CREBRF: variants seen among roughly 807,000 people sequenced by gnomAD.
CREBRF encodes UPF0474 protein C5orf41.
In CREBRF, 5 loss-of-function variants were observed where a neutral mutation model predicts 66.1. The ratio of observed to expected loss-of-function variants is 0.08; its 90% confidence interval spans 0.04 to 0.16. The LOEUF (loss-of-function observed/expected upper bound fraction) is 0.16. Ranked by LOEUF, CREBRF falls within the 10% of genes least tolerant of loss-of-function variation. The pLI is 1.00. For synonymous variants in CREBRF, 229 were observed against 264.4 expected (o/e 0.87, Z 1.30); for missense variants, 531 against 744.9 (o/e 0.71, Z 3.34).
At chr5:173,074,444 T>C (rs778772492) in intron 1 of CREBRF, among the ~76,000 whole-genome samples, 25 of 152,162 alleles carry the variant, frequency 1.6e-4, no homozygotes, top group Non-Finnish European at 3.2e-4. Flanking sequence ...CTGAGAGTTC[T>C]TCTGTCTTCC....
chr5:173,063,631 A>G (rs951080006), intron 1 of CREBRF, among the ~76,000 whole-genome samples: 20 of 151,934 alleles, frequency 1.3e-4, no homozygotes, highest in Admixed American at 1.0e-3. Flanking sequence ...GGCCTCTCAA[A>G]GTGCTGGGAT....
intron 7 of CREBRF, among the ~76,000 whole-genome samples, chr5:173,113,097 A>T (rs1238453097): frequency 1.3e-5 from 2 of 151,848 alleles, no homozygotes; most frequent in African/African-American, 4.8e-5. Context: ...GGCTCAGGTG[A>T]TCCTCCCACT....
rs1348025098 is a variant in CREBRF at position 173,138,622 on chromosome 5, A to G, written c.*4877A>G. 1 of 152,212 alleles carries G rather than the reference A, an allele frequency of 6.6e-6. No homozygotes were observed. The highest frequency in any genetic ancestry group is 6.5e-5 in the Admixed American group (1 of 15,280). The allele number at this position is 152,212 out of a possible 1,614,324, so 9.4% of individuals were successfully genotyped here. On this transcript the variant is annotated 3_prime_UTR_variant, in exon 9 of 9. Transcript: ENST00000296953. ...GAACTAGGTTCGGTTTGCCTCTTTC[A>G]TAACAATGTAAACACAATGGTGTAG...
intron 7 of CREBRF, among the ~76,000 whole-genome samples, chr5:173,118,951 C>G (rs912078640): frequency 1.3e-5 from 2 of 151,764 alleles, no homozygotes; most frequent in African/African-American, 4.8e-5. Flanking sequence ...GCCTCGAACT[C>G]CTGGGCTCAA....
intron 1 of CREBRF, among the ~76,000 whole-genome samples, chr5:173,078,394 G>C (rs770381181): frequency 3.4e-4 from 51 of 151,636 alleles, no homozygotes; most frequent in Non-Finnish European, 7.2e-4. Flanking sequence ...GAGCTGCAGG[G>C]ATTCTGGCCA....
intron 1 of CREBRF, among the ~76,000 whole-genome samples, chr5:173,064,847 A>G (rs1397377155): frequency 1.3e-5 from 2 of 152,026 alleles, no homozygotes; most frequent in Non-Finnish European, 2.9e-5. Context: ...TACAGGTGTG[A>G]GCCACTGCGC....
At chr5:173,069,380 C>T (rs1757535145) in intron 1 of CREBRF, among the ~76,000 whole-genome samples, 1 of 151,628 alleles carries the variant, frequency 6.6e-6, no homozygotes, top group Non-Finnish European at 1.5e-5. Flanking sequence ...CACTCAGTTA[C>T]CCAGGCTGGA....
intron 1 of CREBRF, among the ~76,000 whole-genome samples, chr5:173,078,753 G>A (rs1273162677): frequency 1.3e-5 from 2 of 151,888 alleles, no homozygotes; most frequent in African/African-American, 2.4e-5. Context: ...TTGAACTCCT[G>A]ACCTCAAGTG....
At chr5:173,082,003 G>GTTTTTTTTTTGTTTTTTTTTT (rs780926481) in intron 2 of CREBRF, among the ~76,000 whole-genome samples, 3 of 78,044 alleles carry the variant, frequency 3.8e-5, no homozygotes, top group Non-Finnish European at 4.9e-5. Context: ...TCAAGGTTTA[G>GTTTTTTTTTTGTTTTTTTTTT]TTTTTTTTTT....
chr5:173,097,245 A>C (rs939912728), intron 4 of CREBRF, among the ~76,000 whole-genome samples: 8 of 141,336 alleles, frequency 5.7e-5, no homozygotes, highest in Admixed American at 4.4e-4. Flanking sequence ...GCTTTAGTTC[A>C]TTGAGAGTTT....
intron 1 of CREBRF, among the ~76,000 whole-genome samples, chr5:173,073,781 T>C (rs897455985): frequency 3.3e-5 from 5 of 151,458 alleles, no homozygotes; most frequent in Admixed American, 2.0e-4. Flanking sequence ...TCCTGGCTAA[T>C]ATGGTGAAAC....
intron 3 of CREBRF, among the ~76,000 whole-genome samples, chr5:173,088,000 T>G (rs1317078242): frequency 6.6e-6 from 1 of 151,406 alleles, no homozygotes; most frequent in Non-Finnish European, 1.5e-5. Flanking sequence ...ATTTTTTGTA[T>G]TTTTAGTAGA....
intron 1 of CREBRF, among the ~76,000 whole-genome samples, chr5:173,073,860 G>T (rs1031689621): frequency 6.6e-6 from 1 of 152,142 alleles, no homozygotes; most frequent in Non-Finnish European, 1.5e-5. Flanking sequence ...CCAGCTACTC[G>T]GGAAGCTGAG....
chr5:173,075,550 T>A (rs1757734731), intron 1 of CREBRF, among the ~76,000 whole-genome samples: 1 of 152,184 alleles, frequency 6.6e-6, no homozygotes, highest in Non-Finnish European at 1.5e-5. Context: ...GTGGGACCTA[T>A]GAAGTATAGC....
chr5:173,086,632 C>G lies in CREBRF; in HGVS notation c.135+6C>G, dbSNP rs1409629546. 6.2e-7 allele frequency: 1 copy of G among 1,604,278 alleles called. No homozygotes were observed. Among genetic ancestry groups the G allele is most frequent in the Admixed American group, 1.7e-5 (1 of 58,374 alleles). On this transcript the variant is annotated splice_donor_region_variant and intron_variant, in intron 3 of 8. Coordinates refer to ENST00000296953, the MANE Select transcript of CREBRF (RefSeq NM_153607.3). ...CAGATTTCATGTATGAACTGGTAAGCAACATTTTCTTGGTTTTGGTCTTGA... is the reference window on the plus strand; with the variant it reads ...CAGATTTCATGTATGAACTGGTAAGGAACATTTTCTTGGTTTTGGTCTTGA...
intron 8 of CREBRF, among the ~76,000 whole-genome samples, chr5:173,126,030 G>C (rs867460457): frequency 4.6e-5 from 7 of 152,166 alleles, no homozygotes; most frequent in Admixed American, 1.3e-4. Flanking sequence ...CAAAAAAATG[G>C]CACCTGTCTT....
chr5:173,074,919 C>A (rs1375695820), intron 1 of CREBRF, among the ~76,000 whole-genome samples: 1 of 152,098 alleles, frequency 6.6e-6, no homozygotes, highest in African/African-American at 2.4e-5. Flanking sequence ...CCGTGCCTGG[C>A]CACCTCCCAT....
chr5:173,124,945 G>A (rs1415850972), intron 8 of CREBRF, among the ~76,000 whole-genome samples: 2 of 92,704 alleles, frequency 2.2e-5, no homozygotes, highest in Admixed American at 1.3e-4. Flanking sequence ...TTGAGACAGT[G>A]TTTTGCTCTG....
intron 1 of CREBRF, among the ~76,000 whole-genome samples, chr5:173,076,057 CAAAAAAAA>C (rs35215379): frequency 2.2e-5 from 2 of 92,582 alleles, no homozygotes; most frequent in East Asian, 7.9e-4. Flanking sequence ...CCCATCTCTA[CAAAAAAAA>C]AAAAAAAAAA....
Sources: gnomAD v4.1 joint callset for allele counts (sites outside exome capture counted in the v4.1 genomes callset) on GRCh38, gnomAD v4.1.1 for gene constraint, MANE v1.5 for transcripts, NCBI Gene and HGNC (gene_info 2026-07-23, HGNC 2026-07-21) for gene names.